Variants in KLF7 observed in about 807,000 individuals in gnomAD.
KLF7 encodes Krueppel-like factor 7.
KLF7 carries 2 observed loss-of-function variants against 27.3 expected under a neutral mutation model. The ratio of observed to expected loss-of-function variants is 0.07; its 90% confidence interval spans 0.03 to 0.23. KLF7 has a LOEUF of 0.23. Ranked by LOEUF, KLF7 falls within the 10% of genes least tolerant of loss-of-function variation. The pLI is 1.00. For missense variants in KLF7, 221 were observed against 394.1 expected, an observed-to-expected ratio of 0.56 and a Z score of 3.72; for synonymous variants, 165 against 162.4, an observed-to-expected ratio of 1.02 and a Z score of -0.12.
At chr2:207,106,736 G>A (rs2076893510) in intron 2 of KLF7, among the ~76,000 whole-genome samples, 1 of 152,150 alleles carries the variant, frequency 6.6e-6, no homozygotes, top group Admixed American at 6.5e-5. Flanking sequence ...ATTTTGCCAA[G>A]TCAAGAAACA....
intron 2 of KLF7, among the ~76,000 whole-genome samples, chr2:207,117,690 A>T (rs1220764157): frequency 6.6e-6 from 1 of 152,180 alleles, no homozygotes. Context: ...GAGGTATTAA[A>T]TTTTATCCTG....
intron 3 of KLF7, among the ~76,000 whole-genome samples, chr2:207,082,969 G>A (rs1453269354): frequency 6.6e-6 from 1 of 152,114 alleles, no homozygotes; most frequent in South Asian, 2.1e-4. Context: ...AGAGTAAAAC[G>A]AAAACCACAT....
In KLF7 at chr2:207,124,354, T is replaced by C; in HGVS notation, c.153A>G (p.Ser51=). ...AGTCCAAGTCCTCACCAAAGGTCTC[T>C]GAGATCCTCCGGGGCTCCGTCTGTA... ...RYLQTEPRRI[S]ETFGEDLDCF... is the part of the protein sequence containing the mutation. The change falls in exon 2 of 4, where the codon TCA becomes TCG. Residue 51 remains serine (S), a synonymous_variant. Coordinates refer to ENST00000309446, the MANE Select transcript of KLF7 (RefSeq NM_003709.4). 6.3e-7 allele frequency: 1 copy of C among 1,596,508 alleles called. No homozygotes were observed. Among genetic ancestry groups the C allele is most frequent in the African/African-American group, 1.3e-5 (1 of 74,660 alleles).
intron 1 of KLF7, among the ~76,000 whole-genome samples, chr2:207,159,517 C>T (rs2078482089): frequency 6.6e-6 from 1 of 152,168 alleles, no homozygotes; most frequent in Non-Finnish European, 1.5e-5. Flanking sequence ...CAGTCAAGCT[C>T]CTAGAGGGCA....
At chr2:207,083,026 C>T (rs2076310700) in intron 3 of KLF7, among the ~76,000 whole-genome samples, 1 of 152,194 alleles carries the variant, frequency 6.6e-6, no homozygotes, top group African/African-American at 2.4e-5. Context: ...CAATAACATG[C>T]TGCATAATAA....
chr2:207,130,468 A>AAAGTT (rs1191105379), intron 1 of KLF7, among the ~76,000 whole-genome samples: 1 of 152,240 alleles, frequency 6.6e-6, no homozygotes, highest in Admixed American at 6.5e-5. Context: ...CCTAAACAGT[A>AAAGTT]AAGTTAAGTG....
intron 1 of KLF7, among the ~76,000 whole-genome samples, chr2:207,152,272 TACACACAC>T (rs67380335): frequency 0.015 from 2,301 of 150,562 alleles, 64 homozygotes; most frequent in African/African-American, 0.053. Context: ...ATGTTTTTCT[TACACACAC>T]ACACACACAC....
Position 207,116,516 on chromosome 2 carries a change from C to T in KLF7, c.733+7258G>A, listed in dbSNP as rs542620444. Among the ~76,000 whole-genome samples, 17 of 152,292 alleles carry T rather than the reference C, an allele frequency of 1.1e-4. No homozygotes were observed. In the South Asian group the frequency reaches 3.3e-3, roughly 30 times the overall value. On this transcript the variant is annotated intron_variant, in intron 2 of 3. Coordinates refer to ENST00000309446, the MANE Select transcript of KLF7 (RefSeq NM_003709.4). ...AGAAAATCCCTGCCTACCATCAATT[C>T]TTATAACGTCATCTTAGCCTTCACT...
the KLF7 span, among the ~76,000 whole-genome samples, chr2:207,172,395 A>T: frequency 1.3e-5 from 2 of 152,152 alleles, no homozygotes; most frequent in African/African-American, 2.4e-5. Context: ...ACTAAAATAC[A>T]GTTTTCCCTG....
intron 2 of KLF7, among the ~76,000 whole-genome samples, chr2:207,090,556 G>A (rs988280221): frequency 2.0e-5 from 3 of 152,178 alleles, no homozygotes; most frequent in Non-Finnish European, 2.9e-5. Flanking sequence ...CCTTTCCTCT[G>A]CCTGTGTTCA....
rs937481660 is a variant in KLF7, at chr2:207,102,599, A to G, written c.734-14018T>C. On this transcript the variant is annotated intron_variant, in intron 2 of 3. Transcript: ENST00000309446. ...CATGCAATTATTTTGATCTTGCAAT[A>G]TGCCACAAACTACAATGTACTAGGA... Among the ~76,000 whole-genome samples, 3 of 152,340 alleles carry G rather than the reference A, an allele frequency of 2.0e-5. No homozygotes were observed. In the East Asian group the frequency reaches 5.8e-4, roughly 29 times the overall value.
At position 207,123,957 on chromosome 2, in the gene KLF7, C is replaced by T; in HGVS notation, c.550G>A (p.Ala184Thr). ...SSVKVGGVAT[A>T]AAAVTAAGAV... The stretch of plus-strand genomic sequence containing the variant: ...CCCGCAGCCGTCACGGCTGCTGCAG[C>T]TGTTGCGACCCCTCCCACCTTTACG... Residue 184 changes from alanine (A) to threonine (T), a missense_variant, in exon 2 of 4, where the codon GCT becomes ACT. Coordinates refer to ENST00000309446, the MANE Select transcript of KLF7 (RefSeq NM_003709.4). 1 of 1,614,228 alleles carries T rather than the reference C, an allele frequency of 6.2e-7. No individual in the cohort carries two copies. The highest frequency in any genetic ancestry group is 2.2e-5 in the East Asian group (1 of 44,874).
intron 2 of KLF7, among the ~76,000 whole-genome samples, chr2:207,114,457 C>T (rs189869160): frequency 7.9e-5 from 12 of 152,236 alleles, no homozygotes; most frequent in Admixed American, 6.5e-4. Context: ...CATAAACACA[C>T]GAAATGAAGA....
At chr2:207,111,937 C>T (rs2077049819) in intron 2 of KLF7, among the ~76,000 whole-genome samples, 1 of 152,042 alleles carries the variant, frequency 6.6e-6, no homozygotes. Flanking sequence ...GTAAGACAAA[C>T]TCCCCAGACT....
At chr2:207,101,713 T>C (rs1010173409) in intron 2 of KLF7, among the ~76,000 whole-genome samples, 1 of 152,184 alleles carries the variant, frequency 6.6e-6, no homozygotes, top group African/African-American at 2.4e-5. Context: ...TGGCACAATG[T>C]GTGGTCCTAG....
chr2:207,107,267 C>T (rs992866677), intron 2 of KLF7, among the ~76,000 whole-genome samples: 2 of 152,186 alleles, frequency 1.3e-5, no homozygotes, highest in East Asian at 3.9e-4. Context: ...CGGAGGCCTG[C>T]TCCTTCCAGG....
rs1470464987 is a variant in KLF7, at chr2:207,076,382, T to C, written c.*4831A>G. On this transcript the variant is annotated 3_prime_UTR_variant, in exon 4 of 4. Transcript: ENST00000309446. ...TATTTGTGAAGTGATGGCCCAGGATTTCTCTCTCTGTTTTTGACACCTGTT... is the reference window on the plus strand; with the variant it reads ...TATTTGTGAAGTGATGGCCCAGGATCTCTCTCTCTGTTTTTGACACCTGTT... 1 of 152,122 alleles carries C rather than the reference T, an allele frequency of 6.6e-6. No individual in the cohort carries two copies. Among genetic ancestry groups the C allele is most frequent in the East Asian group, 1.9e-4 (1 of 5,182 alleles). 9.4% of individuals were successfully genotyped at this position (152,122 alleles called of 1,614,324 possible).
intron 1 of KLF7, among the ~76,000 whole-genome samples, chr2:207,160,026 G>T (rs985558805): frequency 2.6e-5 from 4 of 152,120 alleles, no homozygotes; most frequent in African/African-American, 9.7e-5. Flanking sequence ...TGTTTATTTG[G>T]GGAATTTTAG....
intron 1 of KLF7, among the ~76,000 whole-genome samples, chr2:207,164,260 C>A (rs2078633414): frequency 6.6e-6 from 1 of 152,234 alleles, no homozygotes; most frequent in South Asian, 2.1e-4. Flanking sequence ...TTAGCCTTAA[C>A]AAGCTGCTGT....
Sources: gnomAD v4.1 joint callset for allele counts (sites outside exome capture counted in the v4.1 genomes callset) on GRCh38, gnomAD v4.1.1 for gene constraint, MANE v1.5 for transcripts, NCBI Gene and HGNC (gene_info 2026-07-23, HGNC 2026-07-21) for gene names.